Variants in MYO5A observed in about 807,000 individuals in gnomAD.
MYO5A encodes the protein myosin VA, also known as unconventional myosin-Va.
In MYO5A, 98 loss-of-function variants were observed where a neutral mutation model predicts 249.7. That is an observed-to-expected ratio of 0.39 (90% CI 0.33 to 0.46). MYO5A has a LOEUF of 0.46. Among genes scored for constraint, MYO5A ranks in the 20% least tolerant of loss-of-function variants. The pLI, the probability that MYO5A is intolerant of heterozygous loss-of-function variation, is 0.98. For synonymous variants in MYO5A, 778 were observed against 810.6 expected (o/e 0.96, Z 0.68); for missense variants, 1,696 against 2,308.8 (o/e 0.73, Z 5.44).
rs140885351 is a variant in MYO5A at position 52,514,745 on chromosome 15, T to A, written c.27+14035A>T. 6.4e-3 allele frequency among the ~76,000 whole-genome samples: 981 copies of A among 152,282 alleles called. 17 individuals are homozygous for A. Among genetic ancestry groups the A allele is most frequent in the African/African-American group, 0.023 (944 of 41,546 alleles). On this transcript the variant is annotated intron_variant, in intron 1 of 41. Transcript: ENST00000399233. ...CTGTCACAGACCTACTGAGTCAGAA[T>A]CTTCCCTTTAACAAGATTCCTAGTA...
chr15:52,371,041 A>G (rs2141087680), intron 21 of MYO5A, among the ~76,000 whole-genome samples: 1 of 151,602 alleles, frequency 6.6e-6, no homozygotes, highest in Non-Finnish European at 1.5e-5. Context: ...TGAGCCCAGG[A>G]GTTTGAGGCT....
intron 13 of MYO5A, 107 bp from the exon 14 acceptor site, chr15:52,388,019 C>G: frequency 1.2e-6 from 1 of 821,632 alleles, no homozygotes; most frequent in Non-Finnish European, 2.0e-6. Flanking sequence ...GATCAACTCT[C>G]AGCAAACTGG....
rs201634454 is a variant in MYO5A, at chr15:52,416,493, A to T, written c.456-192T>A. Among the ~76,000 whole-genome samples, 48,241 of 142,988 alleles carry T rather than the reference A, an allele frequency of 0.34. 9,884 individuals carry two copies. The highest frequency in any genetic ancestry group is 0.7 in the East Asian group (3,363 of 4,834). 93.8% of individuals were successfully genotyped at this position (142,988 alleles called of 152,430 possible). On this transcript the variant is annotated intron_variant, in intron 4 of 41. Transcript: ENST00000399233. ...CAGAAATGTTGCAGGATATATATAT[A>T]TTTTTTTTAAGGAATCAGAGAGACC...
At chr15:52,522,105 T>C (rs540880720) in intron 1 of MYO5A, among the ~76,000 whole-genome samples, 77 of 152,334 alleles carry the variant, frequency 5.1e-4, no homozygotes, top group African/African-American at 1.7e-3. Context: ...GGTGGAACCA[T>C]AGCATTCATT....
At chr15:52,500,843 G>C (rs1448631958) in intron 1 of MYO5A, among the ~76,000 whole-genome samples, 3 of 152,056 alleles carry the variant, frequency 2.0e-5, no homozygotes, top group East Asian at 3.9e-4. Context: ...TAATCCAAGA[G>C]GCTAATCCCA....
At chr15:52,498,729 A>G (rs1191593134) in intron 1 of MYO5A, among the ~76,000 whole-genome samples, 3 of 152,244 alleles carry the variant, frequency 2.0e-5, no homozygotes, top group African/African-American at 7.2e-5. Flanking sequence ...GTTCTGTCAG[A>G]TGGCCTATTA....
intron 1 of MYO5A, among the ~76,000 whole-genome samples, chr15:52,466,797 T>C (rs1167096545): frequency 6.6e-6 from 1 of 152,130 alleles, no homozygotes; most frequent in East Asian, 1.9e-4. Flanking sequence ...GGGGGTTCCA[T>C]GGCCCAATCC....
chr15:52,500,778 T>C (rs1486130216), intron 1 of MYO5A, among the ~76,000 whole-genome samples: 2 of 152,140 alleles, frequency 1.3e-5, no homozygotes, highest in Non-Finnish European at 2.9e-5. Context: ...TTCATTCAGG[T>C]AGCTTTCTCC....
rs746331490 is a variant in MYO5A at position 52,323,325 on chromosome 15, A to T, written c.4800+30T>A. 3.2e-6 allele frequency: 5 copies of T among 1,565,574 alleles called. No homozygotes were observed. The African/African-American group carries it at 6.8e-5, about 21-fold the overall frequency. Reference sequence around the variant, plus strand: ...TTAAAAAGGTCAGAGAAAGTATAGCATGCTGGTTTTGTAATCAAGGTTTTC... The same window carrying T: ...TTAAAAAGGTCAGAGAAAGTATAGCTTGCTGGTTTTGTAATCAAGGTTTTC... On this transcript the variant is annotated intron_variant, in intron 37 of 41. Coordinates refer to ENST00000399233, the MANE Select transcript of MYO5A (RefSeq NM_001382347.1).
intron 36 of MYO5A, among the ~76,000 whole-genome samples, chr15:52,326,803 T>C (rs1196291573): frequency 6.6e-6 from 1 of 152,236 alleles, no homozygotes; most frequent in Non-Finnish European, 1.5e-5. Flanking sequence ...TCCACTTATC[T>C]TTACCCTAAA....
At chr15:52,395,606 C>A (rs541374873) in intron 11 of MYO5A, among the ~76,000 whole-genome samples, 2 of 152,236 alleles carry the variant, frequency 1.3e-5, no homozygotes, top group African/African-American at 4.8e-5. Flanking sequence ...TAAAACCACA[C>A]ACAGAAGGTA....
chr15:52,469,559 G>C (rs1358346553), intron 1 of MYO5A, among the ~76,000 whole-genome samples: 1 of 152,128 alleles, frequency 6.6e-6, no homozygotes, highest in Non-Finnish European at 1.5e-5. Flanking sequence ...AGACAGAAGG[G>C]GAGGCAGGAG....
rs537079822 is a variant in MYO5A at position 52,420,204 on chromosome 15, C to G, written c.456-3903G>C. Among the ~76,000 whole-genome samples the G allele has an allele frequency of 5.3e-5, 8 of 151,388 alleles. No homozygotes were observed. The East Asian group carries it at 1.6e-3, about 29-fold the overall frequency. ...CCTGTAGTCCTAACTACTTGGGAGG[C>G]TGAGGTGGGAGGATCACTTGAGCCT... On this transcript the variant is annotated intron_variant, in intron 4 of 41. Coordinates refer to ENST00000399233, the MANE Select transcript of MYO5A (RefSeq NM_001382347.1).
rs199883205 is a variant in MYO5A, at chr15:52,370,341, C to T, written c.2894G>A (p.Arg965Gln). ...GIYNSETEKL[R>Q]SDLERLQLSE... is the part of the protein sequence containing the mutation. ...TAGTTGAAGACGTTCTAAGTCACTTCGTAGTTTCTCAGTCTCAGAGTTGTA... is the reference window on the plus strand; with the variant it reads ...TAGTTGAAGACGTTCTAAGTCACTTTGTAGTTTCTCAGTCTCAGAGTTGTA... Residue 965 changes from arginine (R) to glutamine (Q), a missense_variant, in exon 22 of 42, where the codon CGA becomes CAA. This residue lies in a region of MYO5A where 412 missense variants were observed against 453.3 expected (regional missense o/e 0.91). Coordinates refer to ENST00000399233, the MANE Select transcript of MYO5A (RefSeq NM_001382347.1). 95 of 1,614,116 alleles carry T rather than the reference C, an allele frequency of 5.9e-5. No individual in the cohort carries two copies. Among genetic ancestry groups the T allele is most frequent in the Non-Finnish European group, 6.9e-5 (81 of 1,180,008 alleles).
chr15:52,457,591 T>C (rs1293483002), intron 1 of MYO5A, among the ~76,000 whole-genome samples: 1 of 152,048 alleles, frequency 6.6e-6, no homozygotes, highest in Non-Finnish European at 1.5e-5. Flanking sequence ...ATGACTTTTA[T>C]CAAAAAGGCA....
chr15:52,464,877 C>T (rs1385662580), intron 1 of MYO5A, among the ~76,000 whole-genome samples: 1 of 152,138 alleles, frequency 6.6e-6, no homozygotes, highest in African/African-American at 2.4e-5. Flanking sequence ...AGTCGTTTTC[C>T]TAGTTATGTA....
chr15:52,446,819 T>C (rs1470143431), intron 1 of MYO5A, among the ~76,000 whole-genome samples: 1 of 152,218 alleles, frequency 6.6e-6, no homozygotes, highest in African/African-American at 2.4e-5. Context: ...GATTTAATGA[T>C]TGCCCTGCTA....
In MYO5A at chr15:52,307,359, A is replaced by G. The variant is rs2037655858; in HGVS notation, c.*6337T>C. 6.6e-6 allele frequency: 1 copy of G among 152,190 alleles called. No homozygotes were observed. Among genetic ancestry groups the G allele is most frequent in the African/African-American group, 2.4e-5 (1 of 41,460 alleles). 9.4% of individuals were successfully genotyped at this position (152,190 alleles called of 1,614,324 possible). On this transcript the variant is annotated 3_prime_UTR_variant, in exon 42 of 42. Transcript: ENST00000399233. ...CAGCATTAATGACACACATTTACTA[A>G]GCACAACAATGGACAACTACAAATT...
chr15:52,349,017 A>G (rs142981704), intron 28 of MYO5A, among the ~76,000 whole-genome samples, 191 bp from the exon 29 acceptor site: 6 of 152,322 alleles, frequency 3.9e-5, no homozygotes, highest in Non-Finnish European at 5.9e-5. Context: ...ACAGAGACTA[A>G]TATATATTTA....
Sources: allele counts gnomAD v4.1 joint callset (sites outside exome capture counted in the v4.1 genomes callset), GRCh38; gene constraint gnomAD v4.1.1; regional missense constraint gnomAD v4.1.1; transcripts MANE v1.5; gene names NCBI Gene and HGNC (gene_info 2026-07-23, HGNC 2026-07-21).